The following HMGCS1 variants were observed in gnomAD, a reference collection of about 807,000 sequenced individuals.
The protein encoded by HMGCS1 is 3-hydroxy-3-methylglutaryl-CoA synthase 1, also known as hydroxymethylglutaryl-CoA synthase, cytoplasmic.
Under a neutral mutation model 52.3 loss-of-function variants are expected in HMGCS1, and 9 were observed. The ratio of observed to expected loss-of-function variants is 0.17; its 90% CI spans 0.10 to 0.30. HMGCS1 has a LOEUF of 0.30. HMGCS1 is among the 10% of genes least tolerant of loss of function. The probability of loss-of-function intolerance (pLI) is 1.00; values close to 1 mark genes in which losing one functional copy is unlikely to be tolerated. For synonymous variants in HMGCS1, 176 were observed against 214.4 expected, an observed-to-expected ratio of 0.82 and a Z score of 1.57; for missense variants, 320 against 620.9, an observed-to-expected ratio of 0.52 and a Z score of 5.15.
rs1753644972 is a variant in HMGCS1, at chr5:43,289,595, T to C, written c.*1536A>G. On this transcript the variant is annotated 3_prime_UTR_variant, in exon 11 of 11. Coordinates refer to ENST00000325110, the MANE Select transcript of HMGCS1 (RefSeq NM_001098272.3). Reference sequence around the variant, plus strand: ...CCCCAACACTTGCAAAAGTATTACATGCACCATTTTGCCACCATTCTTTAA... The same window carrying C: ...CCCCAACACTTGCAAAAGTATTACACGCACCATTTTGCCACCATTCTTTAA... The C allele has an allele frequency of 6.6e-6, 1 of 152,582 alleles. No individual in the cohort carries two copies. The highest frequency in any genetic ancestry group is 1.5e-5 in the Non-Finnish European group (1 of 68,022). The allele number at this position is 152,582 out of a possible 1,614,324, so 9.5% of individuals were successfully genotyped here.
In HMGCS1 at chr5:43,298,994, G is replaced by GAAAAAA; in HGVS notation, c.-10-25_-10-20dup. The GAAAAAA allele has an allele frequency of 6.5e-7, 1 of 1,547,314 alleles. No individual in the cohort carries two copies. The highest frequency in any genetic ancestry group is 2.1e-5 in the Admixed American group (1 of 47,312). On this transcript the variant is annotated intron_variant, in intron 2 of 10. Transcript: ENST00000325110. The surrounding 1 kb of genome is among the most constrained non-coding windows in gnomAD (Gnocchi z 5.6). ...GAAAGAGCTTTAGAAAGGAGAAACA[G>GAAAAAA]AAAAAAAATTGTTTTAGGTTATAAG... is the stretch of plus-strand genomic sequence containing the variant.
intron 2 of HMGCS1, among the ~76,000 whole-genome samples, chr5:43,306,084 T>C (rs1754559903): frequency 6.6e-6 from 1 of 152,190 alleles, no homozygotes; most frequent in South Asian, 2.1e-4. Context: ...TCCAACAAAG[T>C]AGTACCAACA....
At chr5:43,307,706 A>G (rs1309926254) in intron 2 of HMGCS1, 60 bp downstream of exon 2, 1 of 152,240 alleles carries the variant, frequency 6.6e-6, no homozygotes, top group South Asian at 2.1e-4. Context: ...TAGGATACCA[A>G]GTTTCCTCCT....
intron 4 of HMGCS1, among the ~76,000 whole-genome samples, chr5:43,297,767 G>A (rs1265585264): frequency 6.6e-6 from 1 of 151,584 alleles, no homozygotes; most frequent in African/African-American, 2.4e-5. Flanking sequence ...TGAACCTGGG[G>A]GCAGAGGTTG....
Position 43,298,484 on chromosome 5 carries a change from T to C in HMGCS1, c.448+34A>G, listed in dbSNP as rs542176417. The C allele has an allele frequency of 2.1e-5, 33 of 1,554,708 alleles. No homozygotes were observed. The highest frequency in any genetic ancestry group is 3.8e-5 in the Admixed American group (2 of 53,248). On this transcript the variant is annotated intron_variant, in intron 3 of 10. Coordinates refer to ENST00000325110, the MANE Select transcript of HMGCS1 (RefSeq NM_001098272.3). This position sits in a 1 kb window ranked among gnomAD's most constrained non-coding sequence, Gnocchi z 5.6. The stretch of plus-strand genomic sequence containing the variant: ...GTCTATTGAACCTTAGAAAAAAATT[T>C]TGGGGGACGGCGGGGAATAGGCATG...
chr5:43,292,450 G>T, intron 10 of HMGCS1, 24 bp downstream of exon 10: 1 of 1,604,212 alleles, frequency 6.2e-7, no homozygotes, highest in African/African-American at 1.3e-5. Flanking sequence ...CCTAAGATAT[G>T]GAGATGGGAA....
chr5:43,309,145 G>C (rs1379730861), intron 1 of HMGCS1, among the ~76,000 whole-genome samples: 2 of 151,452 alleles, frequency 1.3e-5, no homozygotes, highest in African/African-American at 2.4e-5. Context: ...TGATGTTCAT[G>C]TATGTATATG....
rs1753586709 is a variant in HMGCS1 at position 43,288,357 on chromosome 5, AG to A, written c.*2773del. 1 of 152,178 alleles carries A rather than the reference AG, an allele frequency of 6.6e-6. No individual in the cohort carries two copies. The highest frequency in any genetic ancestry group is 1.5e-5 in the Non-Finnish European group (1 of 68,030). 9.4% of individuals were successfully genotyped at this position (152,178 alleles called of 1,614,324 possible). On this transcript the variant is annotated 3_prime_UTR_variant, in exon 11 of 11. Coordinates refer to ENST00000325110, the MANE Select transcript of HMGCS1 (RefSeq NM_001098272.3). ...AGCAGTTGCTAGAAATTTTAAAGAA[AG>A]GGTTCACTTTTATGTCAAGATCAGA...
At chr5:43,292,783 T>C (rs1561109371) in intron 9 of HMGCS1, 65 bp downstream of exon 9, 49 of 1,557,476 alleles carry the variant, frequency 3.1e-5, no homozygotes, top group Non-Finnish European at 4.1e-5. Flanking sequence ...TTATCGTATA[T>C]GTAGCATCCT....
chr5:43,308,009 AT>A (rs756262520), intron 1 of HMGCS1, among the ~76,000 whole-genome samples, 185 bp from the exon 2 acceptor site: 1 of 152,158 alleles, frequency 6.6e-6, no homozygotes, highest in Non-Finnish European at 1.5e-5. Flanking sequence ...TTTCCCCCTT[AT>A]TTTCATAGCC....
rs967126452 is a variant in HMGCS1, at chr5:43,289,326, A to T, written c.*1805T>A. The T allele has an allele frequency of 6.6e-6, 1 of 152,664 alleles. No homozygotes were observed. The highest frequency in any genetic ancestry group is 1.5e-5 in the Non-Finnish European group (1 of 68,044). 9.5% of individuals were successfully genotyped at this position (152,664 alleles called of 1,614,324 possible). On this transcript the variant is annotated 3_prime_UTR_variant, in exon 11 of 11. Coordinates refer to ENST00000325110, the MANE Select transcript of HMGCS1 (RefSeq NM_001098272.3). ...GAAATGAAATTAATGCCCATATTTA[A>T]AAATAGAATATTAGCTGATTTCTTG... is the stretch of plus-strand genomic sequence containing the variant.
chr5:43,310,373 C>G (rs1175525676), intron 1 of HMGCS1, among the ~76,000 whole-genome samples: 1 of 152,122 alleles, frequency 6.6e-6, no homozygotes, highest in Non-Finnish European at 1.5e-5. Flanking sequence ...TCATTCATAC[C>G]CAAGTCTACA....
rs752479224 is a variant in HMGCS1 at position 43,292,538 on chromosome 5, G to C, written c.1409C>G (p.Pro470Arg). 5.0e-6 allele frequency: 8 copies of C among 1,613,762 alleles called. No individual in the cohort carries two copies. Among genetic ancestry groups the C allele is most frequent in the African/African-American group, 2.7e-5 (2 of 74,896 alleles). ...EKHRRTYARR[P>R]TPNDDTLDEG... Reference sequence around the variant, plus strand: ...ATCCAAAGTGTCATCATTTGGAGTGGGACGCCGAGCGTAAGTTCTTCTGTG... The same window carrying C: ...ATCCAAAGTGTCATCATTTGGAGTGCGACGCCGAGCGTAAGTTCTTCTGTG... Residue 470 changes from proline to arginine, a missense_variant, in exon 10 of 11, where the codon CCC becomes CGC. By Grantham distance (103) the Pro-to-Arg change is moderately radical. Transcript: ENST00000325110.
chr5:43,308,897 C>A (rs531349447), intron 1 of HMGCS1, among the ~76,000 whole-genome samples: 1 of 152,116 alleles, frequency 6.6e-6, no homozygotes, highest in African/African-American at 2.4e-5. Context: ...CCTACGCCCC[C>A]CTGCCCCATA....
chr5:43,303,260 A>C (rs1455558045), intron 2 of HMGCS1, among the ~76,000 whole-genome samples: 1 of 152,232 alleles, frequency 6.6e-6, no homozygotes, highest in African/African-American at 2.4e-5. Flanking sequence ...CTTAACTCTC[A>C]ATGTGATGGC....
chr5:43,288,460 A>C lies in HMGCS1; in HGVS notation c.*2671T>G, dbSNP rs1264189611. ...TTCAGTGTTTCTTTCAGGACACTCC[A>C]AACAGCAGACAAGAGATAAAGTGTT... On this transcript the variant is annotated 3_prime_UTR_variant, in exon 11 of 11. Transcript: ENST00000325110. The C allele has an allele frequency of 6.6e-6, 1 of 152,224 alleles. No homozygotes were observed. The highest frequency in any genetic ancestry group is 2.4e-5 in the African/African-American group (1 of 41,466). The allele number at this position is 152,224 out of a possible 1,614,324, so 9.4% of individuals were successfully genotyped here.
chr5:43,301,206 G>C (rs1335966363), intron 2 of HMGCS1, among the ~76,000 whole-genome samples: 2 of 152,110 alleles, frequency 1.3e-5, no homozygotes, highest in Non-Finnish European at 2.9e-5. Context: ...ATGAAGAAAG[G>C]CAAGCTACAA....
Position 43,291,159 on chromosome 5 carries a change from G to A in HMGCS1, c.1535C>T (p.Ala512Val). 2 of 1,606,254 alleles carry A rather than the reference G, an allele frequency of 1.2e-6. No individual in the cohort carries two copies. Among genetic ancestry groups the A allele is most frequent in the Middle Eastern group, 1.7e-4 (1 of 6,044 alleles). ...RLPATAAEPE[A>V]AVISNGEH ...ATGTTCCCCATTACTAATGACAGCT[G>A]CTTCAGGTTCTGCTGCTGTGGCAGG... Residue 512 changes from alanine to valine, a missense_variant, in exon 11 of 11, where the codon GCA (alanine) becomes GTA (valine). By Grantham distance (64) the Ala-to-Val change is moderately conservative. Around this residue, in one of 3 missense-constraint regions of HMGCS1, gnomAD observed 213 missense variants for 337.4 expected, o/e 0.63. Coordinates refer to ENST00000325110, the MANE Select transcript of HMGCS1 (RefSeq NM_001098272.3).
rs764536449 is a variant in HMGCS1 at position 43,298,190 on chromosome 5, T to C, written c.449-56A>G. On this transcript the variant is annotated intron_variant, in intron 3 of 10. Coordinates refer to ENST00000325110, the MANE Select transcript of HMGCS1 (RefSeq NM_001098272.3). This position sits in a 1 kb window ranked among gnomAD's most constrained non-coding sequence, Gnocchi z 5.6. ...AGGAATTCAACACTATAACCAAACA[T>C]GGAAACTGAAGTCTGTTATATTTTC... 1.6e-4 allele frequency: 233 copies of C among 1,455,196 alleles called. No homozygotes were observed. Among genetic ancestry groups the C allele is most frequent in the Non-Finnish European group, 2.2e-4 (229 of 1,058,722 alleles). 90.1% of individuals were successfully genotyped at this position (1,455,196 alleles called of 1,614,324 possible).
Sources: gnomAD v4.1 joint callset for allele counts (sites outside exome capture counted in the v4.1 genomes callset) on GRCh38, gnomAD v4.1.1 for gene constraint, gnomAD v4.1.1 regional missense constraint, Gnocchi (gnomAD v3.1) non-coding constraint, MANE v1.5 for transcripts, NCBI Gene and HGNC (gene_info 2026-07-23, HGNC 2026-07-21) for gene names.